The following CHRM2 variants were observed in gnomAD, a reference collection of about 807,000 sequenced individuals.
CHRM2 encodes cholinergic receptor muscarinic 2.
A neutral mutation model predicts 25.0 loss-of-function variants in CHRM2; 8 were observed. The ratio of observed to expected loss-of-function variants is 0.32; its 90% CI spans 0.19 to 0.58. The LOEUF (loss-of-function observed/expected upper bound fraction) is 0.58. CHRM2 is among the 20% of genes least tolerant of loss of function. The pLI, the probability that CHRM2 is intolerant of heterozygous loss-of-function variation, is 0.88. For missense variants in CHRM2, 440 were observed against 567.1 expected, an observed-to-expected ratio of 0.78 and a Z score of 2.28; for synonymous variants, 202 against 205.7, an observed-to-expected ratio of 0.98 and a Z score of 0.15.
At chr7:136,887,958 T>C (rs1016752877) in intron 2 of CHRM2, among the ~76,000 whole-genome samples, 1 of 152,076 alleles carries the variant, frequency 6.6e-6, no homozygotes, top group Non-Finnish European at 1.5e-5. Context: ...TCGGGAATCT[T>C]TGGGAAGGCA....
At chr7:136,874,839 G>C (rs1412127726) in intron 2 of CHRM2, among the ~76,000 whole-genome samples, 1 of 151,608 alleles carries the variant, frequency 6.6e-6, no homozygotes, top group Non-Finnish European at 1.5e-5. Flanking sequence ...TGGCAAAGGG[G>C]TGGGAAGGAT....
intron 3 of CHRM2, among the ~76,000 whole-genome samples, chr7:137,001,522 C>T (rs979987039): frequency 6.6e-6 from 1 of 152,114 alleles, no homozygotes; most frequent in Non-Finnish European, 1.5e-5. Flanking sequence ...GTCCTTGGAA[C>T]ATTTGAGCTA....
intron 3 of CHRM2, among the ~76,000 whole-genome samples, chr7:137,013,610 C>A (rs1161368421): frequency 6.6e-6 from 1 of 151,968 alleles, no homozygotes; most frequent in Non-Finnish European, 1.5e-5. Context: ...TCTTAACTTT[C>A]TTTTCTAAAT....
Position 137,016,253 on chromosome 7 carries a change from G to A in CHRM2, c.1388G>A (p.Gly463Asp), listed in dbSNP as rs1323380864. ...HLLMCHYKNI[G>D]ATR ...CTCATGTGTCATTATAAGAACATAG[G>A]CGCTACAAGGTAAAATATCTTTGAA... The change falls in exon 4 of 4, where the codon GGC becomes GAC. Residue 463 changes from glycine (G) to aspartate (D), a missense_variant. By Grantham distance (94) the Gly-to-Asp change is moderately conservative. Coordinates refer to ENST00000680005, the MANE Select transcript of CHRM2 (RefSeq NM_001006630.2). 6.2e-7 allele frequency: 1 copy of A among 1,612,648 alleles called. No homozygotes were observed. The highest frequency in any genetic ancestry group is 1.1e-5 in the South Asian group (1 of 91,050).
intron 2 of CHRM2, among the ~76,000 whole-genome samples, chr7:136,990,894 G>A (rs1803180684): frequency 6.6e-6 from 1 of 152,104 alleles, no homozygotes; most frequent in African/African-American, 2.4e-5. Context: ...GGTGTTGTCA[G>A]TGATCCAGAT....
rs961080315 is a variant in CHRM2, at chr7:136,937,946, G to A, written c.-124-54241G>A. Among the ~76,000 whole-genome samples the A allele has an allele frequency of 1.7e-4, 26 of 152,126 alleles. 1 individual carries two copies. The highest frequency in any genetic ancestry group is 3.7e-4 in the Non-Finnish European group (25 of 68,026). Reference sequence around the variant, plus strand: ...TGTGGTTGGTCCTAATTGAGGGTTTGTATCAGAAAAAAAGAGCAATGAAGC... The same window carrying A: ...TGTGGTTGGTCCTAATTGAGGGTTTATATCAGAAAAAAAGAGCAATGAAGC... On this transcript the variant is annotated intron_variant, in intron 2 of 3. Transcript: ENST00000680005.
chr7:136,969,919 TG>T (rs1187351695), intron 2 of CHRM2, among the ~76,000 whole-genome samples: 1 of 152,312 alleles, frequency 6.6e-6, no homozygotes, highest in African/African-American at 2.4e-5. Context: ...GTCCGGTAGC[TG>T]GGAAGTCCAA....
At chr7:136,875,454 C>G (rs1299412517) in intron 2 of CHRM2, among the ~76,000 whole-genome samples, 1 of 152,112 alleles carries the variant, frequency 6.6e-6, no homozygotes, top group African/African-American at 2.4e-5. Context: ...CAGGTTAAAT[C>G]TGTTCCCTCA....
At chr7:136,938,393 C>A in intron 2 of CHRM2, 1 of 1,582,072 alleles carries the variant, frequency 6.3e-7, no homozygotes, top group South Asian at 1.1e-5. Flanking sequence ...TTCTGCTGCT[C>A]CAGGAACCGT....
chr7:137,004,674 T>C (rs1219361295), intron 3 of CHRM2, among the ~76,000 whole-genome samples: 2 of 152,176 alleles, frequency 1.3e-5, no homozygotes, highest in Non-Finnish European at 2.9e-5. Flanking sequence ...TGCCCTGATT[T>C]ACCACATAAA....
intron 2 of CHRM2, among the ~76,000 whole-genome samples, chr7:136,920,118 A>G (rs1384673939): frequency 3.3e-5 from 5 of 151,654 alleles, no homozygotes; most frequent in Non-Finnish European, 5.9e-5. Context: ...TTCAACCTTA[A>G]TGAAATAACC....
chr7:136,884,027 C>T (rs551538578), intron 2 of CHRM2, among the ~76,000 whole-genome samples: 1 of 152,066 alleles, frequency 6.6e-6, no homozygotes, highest in East Asian at 1.9e-4. Flanking sequence ...TTAATCATTG[C>T]AGTATCTACT....
At chr7:136,988,161 T>C (rs1802983264) in intron 2 of CHRM2, among the ~76,000 whole-genome samples, 1 of 151,680 alleles carries the variant, frequency 6.6e-6, no homozygotes, top group African/African-American at 2.4e-5. Flanking sequence ...AATAGATACA[T>C]ATATCCAGAA....
At chr7:136,961,130 A>AC (rs1372803034) in intron 2 of CHRM2, among the ~76,000 whole-genome samples, 1 of 152,174 alleles carries the variant, frequency 6.6e-6, no homozygotes, top group Admixed American at 6.5e-5. Flanking sequence ...ATTAAAAAAA[A>AC]AAATTAATTA....
intron 2 of CHRM2, among the ~76,000 whole-genome samples, chr7:136,949,743 T>C (rs1800287752): frequency 2.4e-3 from 1 of 422 alleles, no homozygotes; most frequent in South Asian, 0.025. Context: ...CAGTATTTGA[T>C]TTTTTTTTTT....
chr7:136,939,057 C>T (rs1262345730), intron 2 of CHRM2, among the ~76,000 whole-genome samples: 1 of 150,338 alleles, frequency 6.7e-6, no homozygotes, highest in South Asian at 2.2e-4. Context: ...CTTTGCTAGT[C>T]TCCTTTCATA....
intron 2 of CHRM2, among the ~76,000 whole-genome samples, chr7:136,930,898 C>CAAAAAAAAAAAAAAAAAAAAAAAAAA (rs57705639): frequency 3.3e-5 from 2 of 61,152 alleles, no homozygotes; most frequent in Admixed American, 2.7e-4. Flanking sequence ...CTCATTCTCT[C>CAAAAAAAAAAAAAAAAAAAAAAAAAA]AAAAAAAAAA....
intron 2 of CHRM2, chr7:136,907,819 A>C (rs1480140688): frequency 2.0e-5 from 3 of 151,956 alleles, no homozygotes; most frequent in Non-Finnish European, 4.4e-5. Context: ...GTGCCAACGG[A>C]GATTCAAGAA....
chr7:136,880,740 C>T (rs752103297), intron 2 of CHRM2, among the ~76,000 whole-genome samples: 2 of 151,790 alleles, frequency 1.3e-5, no homozygotes, highest in African/African-American at 4.8e-5. Context: ...CACTATCAAC[C>T]TCCCCCACCA....
Sources: allele counts gnomAD v4.1 joint callset (sites outside exome capture counted in the v4.1 genomes callset), GRCh38; gene constraint gnomAD v4.1.1; transcripts MANE v1.5; gene names NCBI Gene and HGNC (gene_info 2026-07-23, HGNC 2026-07-21).